The following APLF variants were observed in gnomAD, a reference collection of about 807,000 sequenced individuals.
The protein encoded by APLF is aprataxin and PNK-like factor.
APLF carries 61 observed loss-of-function variants against 55.6 expected under a neutral mutation model. The observed-to-expected ratio is 1.10, with a 90% CI of 0.89 to 1.36. APLF has a LOEUF of 1.36. Among genes scored for constraint, APLF ranks in the 40% most tolerant of loss-of-function variants. APLF has a pLI of 0.00. For missense variants in APLF, 611 were observed against 602.5 expected (o/e 1.01, Z -0.15); for synonymous variants, 207 against 214.8 (o/e 0.96, Z 0.32).
At chr2:68,558,157 G>A (rs1335876595) in intron 8 of APLF, among the ~76,000 whole-genome samples, 1 of 151,966 alleles carries the variant, frequency 6.6e-6, no homozygotes, top group Non-Finnish European at 1.5e-5. Context: ...TATTCATGTA[G>A]CTTTGACAAA....
intron 2 of APLF, among the ~76,000 whole-genome samples, chr2:68,495,565 A>G (rs748243490): frequency 4.6e-5 from 7 of 152,106 alleles, no homozygotes; most frequent in Non-Finnish European, 8.8e-5. Flanking sequence ...TAGATATACT[A>G]TGTTTGGGTC....
At chr2:68,567,268 C>G in intron 8 of APLF, 73 bp from the exon 9 acceptor site, 1 of 1,278,552 alleles carries the variant, frequency 7.8e-7, no homozygotes, top group Non-Finnish European at 1.1e-6. Context: ...AGTCAGTGTT[C>G]TGGTTTAGTG....
intron 6 of APLF, among the ~76,000 whole-genome samples, chr2:68,536,925 G>C (rs74968784): frequency 0.078 from 11,877 of 152,118 alleles, 1,337 homozygotes; most frequent in African/African-American, 0.25. Flanking sequence ...CCAACACTTT[G>C]AGAAGCCAGG....
chr2:68,523,740 T>C (rs1378411420), intron 5 of APLF, among the ~76,000 whole-genome samples: 1 of 151,912 alleles, frequency 6.6e-6, no homozygotes, highest in Non-Finnish European at 1.5e-5. Context: ...TTCTTTTATA[T>C]TTCTATCATT....
intron 6 of APLF, among the ~76,000 whole-genome samples, chr2:68,530,629 T>C (rs568592626): frequency 5.3e-5 from 8 of 152,348 alleles, no homozygotes; most frequent in African/African-American, 1.9e-4. Flanking sequence ...TCATAGTAGA[T>C]CAATGTATTG....
At chr2:68,503,781 CT>C (rs1374057087) in intron 3 of APLF, among the ~76,000 whole-genome samples, 2 of 151,924 alleles carry the variant, frequency 1.3e-5, no homozygotes, top group Non-Finnish European at 2.9e-5. Context: ...GTGATCTGTG[CT>C]TCTACTTTAG....
Position 68,502,791 on chromosome 2 carries a change from C to T in APLF, c.229C>T (p.Pro77Ser). The T allele has an allele frequency of 6.2e-7, 1 of 1,605,130 alleles. No individual in the cohort carries two copies. The highest frequency in any genetic ancestry group is 2.3e-5 in the East Asian group (1 of 44,254). ...GAAGAGTCAGCTCTTACCATTGAAG[C>T]CAAATCTATGGTGCTATTTGAATCC... ...SEKSQLLPLK[P>S]NLWCYLNPGD... The change falls in exon 3 of 10, where the codon CCA becomes TCA. Residue 77 changes from proline (P) to serine (S), a missense_variant. Pro to Ser is a moderately conservative substitution (Grantham distance 74). Transcript: ENST00000303795.
intron 5 of APLF, among the ~76,000 whole-genome samples, chr2:68,517,140 AATATATGTTATTG>A (rs1335030827): frequency 8.0e-6 from 1 of 125,292 alleles, no homozygotes. Flanking sequence ...ATAACATATT[AATATATGTTATTG>A]ATATATAATA....
At chr2:68,501,456 A>G (rs1056259424) in intron 2 of APLF, among the ~76,000 whole-genome samples, 1 of 151,996 alleles carries the variant, frequency 6.6e-6, no homozygotes, top group African/African-American at 2.4e-5. Context: ...GATCTGCATT[A>G]TGTAGATTGC....
rs34695552 is a variant in APLF at position 68,468,989 on chromosome 2, G to GGTGTGTGT, written c.96+1187_96+1194dup. On this transcript the variant is annotated intron_variant, in intron 1 of 9. Coordinates refer to ENST00000303795, the MANE Select transcript of APLF (RefSeq NM_173545.3). Reference sequence around the variant, plus strand: ...GTATTATGGAAGCTGGTCCTAAAGGGGTGTGTGTGTGTGTGTGTGTGTGTG... The same window carrying GGTGTGTGT: ...GTATTATGGAAGCTGGTCCTAAAGGGGTGTGTGTGTGTGTGTGTGTGTGTGTGTGTGTG... Among the ~76,000 whole-genome samples, 1,051 of 146,738 alleles carry GGTGTGTGT rather than the reference G, an allele frequency of 7.2e-3. 12 individuals carry two copies. The highest frequency in any genetic ancestry group is 0.018 in the African/African-American group (721 of 39,640).
At chr2:68,543,387 G>C (rs144381450) in intron 7 of APLF, among the ~76,000 whole-genome samples, 7 of 152,258 alleles carry the variant, frequency 4.6e-5, no homozygotes, top group Middle Eastern at 6.8e-3. Context: ...TTGGCCTGCT[G>C]TTCATGGTTT....
At chr2:68,569,985 A>C (rs1031303973) in intron 9 of APLF, among the ~76,000 whole-genome samples, 4 of 152,110 alleles carry the variant, frequency 2.6e-5, no homozygotes, top group African/African-American at 9.7e-5. Flanking sequence ...AAGATAATAC[A>C]ATTATTAATA....
At chr2:68,469,221 T>A (rs115936213) in intron 1 of APLF, among the ~76,000 whole-genome samples, 1 of 152,324 alleles carries the variant, frequency 6.6e-6, no homozygotes, top group Non-Finnish European at 1.5e-5. Context: ...TTTAAATTCG[T>A]AGGTTTGAAA....
chr2:68,493,978 G>A (rs1277811048), intron 2 of APLF, among the ~76,000 whole-genome samples: 1 of 151,956 alleles, frequency 6.6e-6, no homozygotes, highest in Non-Finnish European at 1.5e-5. Flanking sequence ...CGTGGTGGCG[G>A]GTGCCTGTAG....
intron 2 of APLF, among the ~76,000 whole-genome samples, chr2:68,497,488 CT>C (rs113505282): frequency 0.026 from 3,897 of 152,222 alleles, 66 homozygotes; most frequent in South Asian, 0.043. Flanking sequence ...GATTTGCCTG[CT>C]TCCCCTTTGC....
intron 9 of APLF, among the ~76,000 whole-genome samples, chr2:68,576,478 G>A (rs1671627503): frequency 6.6e-6 from 1 of 152,038 alleles, no homozygotes; most frequent in South Asian, 2.1e-4. Context: ...TGCCTTTTTA[G>A]CCTTGGCTAC....
chr2:68,513,780 G>C, intron 5 of APLF, 100 bp downstream of exon 5: 1 of 1,342,242 alleles, frequency 7.5e-7, no homozygotes, highest in Non-Finnish European at 1.0e-6. Flanking sequence ...TATAGAGATA[G>C]AGTAGAGGTT....
At chr2:68,540,845 G>A (rs1036872163) in intron 7 of APLF, among the ~76,000 whole-genome samples, 4 of 152,024 alleles carry the variant, frequency 2.6e-5, no homozygotes, top group African/African-American at 7.2e-5. Context: ...AGCAAAGGAC[G>A]TAGAACTCTG....
intron 9 of APLF, among the ~76,000 whole-genome samples, chr2:68,572,427 T>G (rs1191700188): frequency 2.0e-5 from 3 of 152,180 alleles, no homozygotes; most frequent in Non-Finnish European, 4.4e-5. Context: ...TAATTAGTCC[T>G]AAGATTTAAT....
Sources: gnomAD v4.1 joint callset for allele counts (sites outside exome capture counted in the v4.1 genomes callset) on GRCh38, gnomAD v4.1.1 for gene constraint, MANE v1.5 for transcripts, NCBI Gene and HGNC (gene_info 2026-07-23, HGNC 2026-07-21) for gene names.